Variants in RNGTT observed in about 807,000 individuals in gnomAD.
The protein encoded by RNGTT is mRNA-capping enzyme.
A neutral mutation model predicts 79.3 loss-of-function variants in RNGTT; 33 were observed. That is an observed-to-expected ratio of 0.42 (90% CI 0.32 to 0.56). The LOEUF is 0.56. RNGTT is among the 20% of genes least tolerant of loss of function. The pLI is 0.17. For synonymous variants in RNGTT, 222 were observed against 235.9 expected (o/e 0.94, Z 0.54); for missense variants, 497 against 739.1 (o/e 0.67, Z 3.80).
chr6:88,642,638 A>C (rs183674738), intron 14 of RNGTT, among the ~76,000 whole-genome samples: 25 of 152,324 alleles, frequency 1.6e-4, no homozygotes, highest in African/African-American at 5.5e-4. Context: ...GGAAAGGCAG[A>C]AAAACCTGAG....
At chr6:88,721,844 C>G (rs1004521331) in intron 13 of RNGTT, among the ~76,000 whole-genome samples, 2 of 152,034 alleles carry the variant, frequency 1.3e-5, no homozygotes, top group African/African-American at 4.8e-5. Context: ...CAAAATTCAG[C>G]TCTCATGTAA....
chr6:88,666,317 GT>G (rs1774406567), intron 14 of RNGTT, among the ~76,000 whole-genome samples: 1 of 152,254 alleles, frequency 6.6e-6, no homozygotes, highest in Admixed American at 6.5e-5. Flanking sequence ...GCTGAGGCCT[GT>G]GGCCTACCTC....
At chr6:88,925,686 A>G (rs1484147951) in intron 4 of RNGTT, among the ~76,000 whole-genome samples, 1 of 152,064 alleles carries the variant, frequency 6.6e-6, no homozygotes, top group African/African-American at 2.4e-5. Context: ...TTAAGTCTGC[A>G]TAAAAGCCAC....
At chr6:88,694,295 A>G (rs1775582172) in intron 13 of RNGTT, among the ~76,000 whole-genome samples, 1 of 152,184 alleles carries the variant, frequency 6.6e-6, no homozygotes, top group Non-Finnish European at 1.5e-5. Context: ...AAAAATCAGT[A>G]GCATTTCTAT....
chr6:88,895,227 CTCTG>C (rs954184272), intron 6 of RNGTT, among the ~76,000 whole-genome samples: 37 of 101,536 alleles, frequency 3.6e-4, no homozygotes, highest in East Asian at 2.3e-3. Context: ...TGAGAGAGAG[CTCTG>C]TGTGTGTGTG....
intron 11 of RNGTT, among the ~76,000 whole-genome samples, chr6:88,815,925 T>C (rs902922747): frequency 2.0e-5 from 3 of 152,222 alleles, no homozygotes; most frequent in Admixed American, 2.0e-4. Flanking sequence ...AAATAAACTT[T>C]ACTTTCCACA....
chr6:88,689,067 G>C (rs1253507543), intron 13 of RNGTT, among the ~76,000 whole-genome samples: 3 of 152,232 alleles, frequency 2.0e-5, no homozygotes, highest in Admixed American at 6.5e-5. Context: ...GTTTGGGGGG[G>C]AGTCAAAAAT....
intron 11 of RNGTT, among the ~76,000 whole-genome samples, chr6:88,829,708 A>G (rs1562274063): frequency 6.6e-6 from 1 of 150,606 alleles, no homozygotes; most frequent in African/African-American, 2.4e-5. Context: ...AAGCAAAAAA[A>G]AAAAAAAAAA....
chr6:88,629,784 G>A lies in RNGTT; in HGVS notation c.1507-15389C>T, dbSNP rs3798785. 2.0e-3 allele frequency among the ~76,000 whole-genome samples: 308 copies of A among 152,268 alleles called. 9 individuals carry two copies. The East Asian group carries it at 0.05, about 25-fold the overall frequency. On this transcript the variant is annotated intron_variant, in intron 14 of 15. Transcript: ENST00000369485. ...TTAAGTCTGAGGATAATTAAGGTAG[G>A]TAGCTTTTCATCTTTTCTCTAGAAA...
At chr6:88,664,741 A>G (rs1378333812) in intron 14 of RNGTT, among the ~76,000 whole-genome samples, 1 of 152,170 alleles carries the variant, frequency 6.6e-6, no homozygotes, top group Non-Finnish European at 1.5e-5. Context: ...AGGACGAAGG[A>G]GCCTTGTTCA....
At chr6:88,865,511 A>G (rs552483849) in intron 8 of RNGTT, among the ~76,000 whole-genome samples, 4 of 152,090 alleles carry the variant, frequency 2.6e-5, no homozygotes, top group African/African-American at 9.6e-5. Flanking sequence ...GGTAAAGGTT[A>G]CCCACAGACC....
chr6:88,715,382 C>T lies in RNGTT; in HGVS notation c.1440-36963G>A, dbSNP rs564183576. Among the ~76,000 whole-genome samples, 730 of 152,140 alleles carry T rather than the reference C, an allele frequency of 4.8e-3. 2 individuals are homozygous for T. Among genetic ancestry groups the T allele is most frequent in the African/African-American group, 8.1e-3 (338 of 41,490 alleles). On this transcript the variant is annotated intron_variant, in intron 13 of 15. Coordinates refer to ENST00000369485, the MANE Select transcript of RNGTT (RefSeq NM_003800.5). ...GAAGAATCAATATCGTGAAAATGGC[C>T]ATACTGCCCAAGGTAATTTATAGAT...
intron 13 of RNGTT, among the ~76,000 whole-genome samples, chr6:88,764,094 C>T (rs1244750143): frequency 6.6e-6 from 1 of 152,172 alleles, no homozygotes; most frequent in Non-Finnish European, 1.5e-5. Flanking sequence ...CTTATGAACC[C>T]TATAAGGCCT....
chr6:88,772,674 CT>C (rs1778729683), intron 12 of RNGTT, among the ~76,000 whole-genome samples: 1 of 152,104 alleles, frequency 6.6e-6, no homozygotes, highest in African/African-American at 2.4e-5. Context: ...TGAACAGACA[CT>C]TCTCAAAAGA....
At chr6:88,692,415 T>C (rs1219523171) in intron 13 of RNGTT, among the ~76,000 whole-genome samples, 1 of 151,358 alleles carries the variant, frequency 6.6e-6, no homozygotes, top group Non-Finnish European at 1.5e-5. Context: ...AATGGATAAG[T>C]AAATGGTGAT....
chr6:88,867,107 G>A (rs768584394), intron 8 of RNGTT, among the ~76,000 whole-genome samples: 1 of 152,174 alleles, frequency 6.6e-6, no homozygotes, highest in Non-Finnish European at 1.5e-5. Flanking sequence ...ATTTCCAGGT[G>A]ATTCACATAC....
At chr6:88,672,314 C>A (rs908662552) in intron 14 of RNGTT, among the ~76,000 whole-genome samples, 3 of 151,506 alleles carry the variant, frequency 2.0e-5, no homozygotes, top group African/African-American at 4.8e-5. Flanking sequence ...TAAATGTATA[C>A]ACATATATGT....
chr6:88,623,833 G>C lies in RNGTT; in HGVS notation c.1507-9438C>G, dbSNP rs944778780. Among the ~76,000 whole-genome samples, 5 of 152,132 alleles carry C rather than the reference G, an allele frequency of 3.3e-5. No homozygotes were observed. In the East Asian group the frequency reaches 5.8e-4, roughly 18 times the overall value. ...TTACTTACATAGAAGGATATACAAA[G>C]AGGCTCCTAGAACCAATAAGTTTAA... On this transcript the variant is annotated intron_variant, in intron 14 of 15. Coordinates refer to ENST00000369485, the MANE Select transcript of RNGTT (RefSeq NM_003800.5).
chr6:88,616,464 G>A (rs1772224122), intron 14 of RNGTT, among the ~76,000 whole-genome samples: 1 of 151,746 alleles, frequency 6.6e-6, no homozygotes, highest in East Asian at 1.9e-4. Context: ...CTCACTAACA[G>A]TATGCAAGGG....
Sources: allele counts gnomAD v4.1 joint callset (sites outside exome capture counted in the v4.1 genomes callset), GRCh38; gene constraint gnomAD v4.1.1; transcripts MANE v1.5; gene names NCBI Gene and HGNC (gene_info 2026-07-23, HGNC 2026-07-21).